Variants in SYT1 observed in about 807,000 individuals in gnomAD.
The protein encoded by SYT1 is synaptotagmin-1.
Under a neutral mutation model 44.8 loss-of-function variants are expected in SYT1, and 8 were observed. That is an observed-to-expected ratio of 0.18 (90% confidence interval 0.10 to 0.32). SYT1 has a LOEUF of 0.32. Among genes scored for constraint, SYT1 ranks in the 10% least tolerant of loss-of-function variants. SYT1 has a pLI of 1.00. For synonymous variants in SYT1, 154 were observed against 188.8 expected (o/e 0.82, Z 1.51); for missense variants, 286 against 509.3 (o/e 0.56, Z 4.22).
intron 3 of SYT1, among the ~76,000 whole-genome samples, chr12:79,115,471 A>T (rs1342013884): frequency 6.6e-6 from 1 of 152,136 alleles, no homozygotes; most frequent in Non-Finnish European, 1.5e-5. Context: ...TAAACAACAA[A>T]TTTTACCCTT....
intron 3 of SYT1, among the ~76,000 whole-genome samples, chr12:79,164,871 A>G (rs1359678573): frequency 6.6e-6 from 1 of 152,040 alleles, no homozygotes; most frequent in Admixed American, 6.6e-5. Context: ...ATTTCTGTTG[A>G]GGGAGATTTA....
At chr12:79,408,898 T>C (rs1435923421) in intron 9 of SYT1, among the ~76,000 whole-genome samples, 1 of 152,116 alleles carries the variant, frequency 6.6e-6, no homozygotes, top group Non-Finnish European at 1.5e-5. Context: ...TCCATGCTCC[T>C]GTCATCTGTG....
intron 4 of SYT1, among the ~76,000 whole-genome samples, chr12:79,254,387 G>A (rs1023385799): frequency 1.3e-5 from 2 of 152,118 alleles, no homozygotes; most frequent in Admixed American, 6.5e-5. Flanking sequence ...GCCCATTGTT[G>A]AGACCTGCTG....
In SYT1 at chr12:79,237,161, G is replaced by C. The variant is rs866713378; in HGVS notation, c.166+19476G>C. On this transcript the variant is annotated intron_variant, in intron 4 of 10. Coordinates refer to ENST00000261205, the MANE Select transcript of SYT1 (RefSeq NM_005639.3). ...ATGTGACAGACTCTGTGAACATGCTGTTGACAGGTGCTGTGTCTGGGTCTG... is the reference window on the plus strand; with the variant it reads ...ATGTGACAGACTCTGTGAACATGCTCTTGACAGGTGCTGTGTCTGGGTCTG... Among the ~76,000 whole-genome samples, 4 of 152,208 alleles carry C rather than the reference G, an allele frequency of 2.6e-5. No individual in the cohort carries two copies. The South Asian group carries it at 6.2e-4, about 24-fold the overall frequency.
intron 1 of SYT1, among the ~76,000 whole-genome samples, chr12:78,921,338 C>T (rs1050817906): frequency 2.6e-5 from 4 of 151,882 alleles, no homozygotes; most frequent in East Asian, 3.9e-4. Flanking sequence ...TTGGTGAAAC[C>T]GATACTCAAG....
chr12:79,318,228 A>G (rs1274150265), intron 8 of SYT1, among the ~76,000 whole-genome samples: 1 of 152,204 alleles, frequency 6.6e-6, no homozygotes, highest in Non-Finnish European at 1.5e-5. Context: ...ATTTTCCCAG[A>G]TAAGGAGTTG....
intron 3 of SYT1, among the ~76,000 whole-genome samples, chr12:79,191,931 G>A (rs1241354056): frequency 6.6e-6 from 1 of 151,796 alleles, no homozygotes; most frequent in Non-Finnish European, 1.5e-5. Flanking sequence ...GCTTCTACCT[G>A]AAAAAAATAA....
At chr12:79,196,311 G>A (rs557144028) in intron 3 of SYT1, among the ~76,000 whole-genome samples, 43 of 152,112 alleles carry the variant, frequency 2.8e-4, no homozygotes, top group Admixed American at 1.4e-3. Context: ...GGGACTACAG[G>A]CACCTGCCAC....
chr12:79,426,578 AC>A (rs1461150850), intron 9 of SYT1, among the ~76,000 whole-genome samples: 1 of 152,110 alleles, frequency 6.6e-6, no homozygotes, highest in Non-Finnish European at 1.5e-5. Context: ...AATGATTAAC[AC>A]CCCATGTGTC....
At chr12:78,973,938 AATATATATATATATATATAT>A (rs869290804) in intron 1 of SYT1, among the ~76,000 whole-genome samples, 2 of 25,322 alleles carry the variant, frequency 7.9e-5, no homozygotes, top group African/African-American at 1.7e-4. Flanking sequence ...AAAAAAAAAA[AATATATATATATATATATAT>A]ATATATATAT....
chr12:79,178,166 T>C (rs1235375381), intron 3 of SYT1, among the ~76,000 whole-genome samples: 1 of 152,140 alleles, frequency 6.6e-6, no homozygotes, highest in Non-Finnish European at 1.5e-5. Flanking sequence ...TTTAGCATAG[T>C]TGGCCCTTGC....
rs1219698592 is a variant in SYT1, at chr12:79,179,410, A to AGATATATC, written c.-17-38087_-17-38086insTCGATATA. Among the ~76,000 whole-genome samples, 112 of 133,716 alleles carry AGATATATC rather than the reference A, an allele frequency of 8.4e-4. 23 individuals are homozygous for AGATATATC. The highest frequency in any genetic ancestry group is 3.0e-3 in the African/African-American group (108 of 35,982). 87.7% of individuals were successfully genotyped at this position (133,716 alleles called of 152,430 possible). A position where few individuals can be genotyped will look rare whatever the true frequency, so the allele number is the denominator to read the frequency against. ...TCGATATAGATATCCATATAGATATAGATATAGATATATCTATATAGATAT... is the reference window on the plus strand; with the variant it reads ...TCGATATAGATATCCATATAGATATAGATATATCGATATAGATATATCTATATAGATAT... On this transcript the variant is annotated intron_variant, in intron 3 of 10. Coordinates refer to ENST00000261205, the MANE Select transcript of SYT1 (RefSeq NM_005639.3).
At position 78,884,498 on chromosome 12, in the gene SYT1, A is replaced by G. The variant is rs115291868; in HGVS notation, c.-217+19389A>G. 5.1e-3 allele frequency among the ~76,000 whole-genome samples: 778 copies of G among 151,774 alleles called. 11 individuals carry two copies. The highest frequency in any genetic ancestry group is 0.017 in the African/African-American group (720 of 41,522). On this transcript the variant is annotated intron_variant, in intron 1 of 10. Transcript: ENST00000261205. ...GATTTTATAGATTGATCATGTCTAA[A>G]GATTTTTGTAAATGTTCCACTTCTT...
At position 79,379,240 on chromosome 12, in the gene SYT1, G is replaced by A. The variant is rs543137138; in HGVS notation, c.928+25621G>A. Among the ~76,000 whole-genome samples, 157 of 152,258 alleles carry A rather than the reference G, an allele frequency of 1.0e-3. 1 individual carries two copies. Among genetic ancestry groups the A allele is most frequent in the African/African-American group, 3.6e-3 (151 of 41,532 alleles). On this transcript the variant is annotated intron_variant, in intron 9 of 10. Transcript: ENST00000261205. ...AAATATGAGGAAAACAATGGGATAT[G>A]CTTGAAATAACAAGTCACTTGATTA... is the stretch of plus-strand genomic sequence containing the variant.
At chr12:78,974,679 G>A (rs1329382910) in intron 1 of SYT1, among the ~76,000 whole-genome samples, 1 of 151,794 alleles carries the variant, frequency 6.6e-6, no homozygotes, top group Non-Finnish European at 1.5e-5. Context: ...CTCGTGATCC[G>A]CCCGCCTCAG....
rs570858929 is a variant in SYT1 at position 79,279,228 on chromosome 12, C to T, written c.167-6559C>T. Among the ~76,000 whole-genome samples, 3 of 152,022 alleles carry T rather than the reference C, an allele frequency of 2.0e-5. No individual in the cohort carries two copies. In the South Asian group the frequency reaches 6.2e-4, roughly 32 times the overall value. ...CCGAATAGGAAATGTCCCTGATGAA[C>T]ATAGATGCAAAAATTCTCAACAAAA... On this transcript the variant is annotated intron_variant, in intron 4 of 10. Coordinates refer to ENST00000261205, the MANE Select transcript of SYT1 (RefSeq NM_005639.3).
intron 8 of SYT1, among the ~76,000 whole-genome samples, chr12:79,313,477 T>C (rs1331111209): frequency 6.6e-6 from 1 of 152,090 alleles, no homozygotes; most frequent in Non-Finnish European, 1.5e-5. Flanking sequence ...TTTTTTAAAA[T>C]CTTAAACCAT....
chr12:79,363,255 C>A (rs1033888472), intron 9 of SYT1, among the ~76,000 whole-genome samples: 1 of 152,086 alleles, frequency 6.6e-6, no homozygotes, highest in Non-Finnish European at 1.5e-5. Flanking sequence ...TTGGGAGTTT[C>A]TAATAAAACT....
intron 3 of SYT1, among the ~76,000 whole-genome samples, chr12:79,071,462 T>A (rs1159204661): frequency 2.6e-5 from 4 of 152,154 alleles, no homozygotes; most frequent in African/African-American, 9.6e-5. Context: ...CAATAAACAC[T>A]ACTATAGATC....
Sources: gnomAD v4.1 joint callset for allele counts (sites outside exome capture counted in the v4.1 genomes callset) on GRCh38, gnomAD v4.1.1 for gene constraint, MANE v1.5 for transcripts, NCBI Gene and HGNC (gene_info 2026-07-23, HGNC 2026-07-21) for gene names.